C1orf94: variants seen among roughly 807,000 people sequenced by gnomAD.
C1orf94 encodes uncharacterized protein C1orf94.
Under a neutral mutation model 53.6 loss-of-function variants are expected in C1orf94, and 45 were observed. That is an observed-to-expected ratio of 0.84 (90% confidence interval 0.66 to 1.08). The LOEUF (loss-of-function observed/expected upper bound fraction) is 1.08, where lower values mean the gene tolerates loss of function less well. Among genes scored for constraint, C1orf94 ranks in the 50% least tolerant of loss-of-function variants. The pLI is 0.00. For missense variants in C1orf94, 762 were observed against 738.9 expected (o/e 1.03, Z -0.36); for synonymous variants, 304 against 296.1 (o/e 1.03, Z -0.27).
chr1:34,198,096 G>A (rs1642634064), intron 2 of C1orf94, among the ~76,000 whole-genome samples, 183 bp downstream of exon 2: 1 of 152,242 alleles, frequency 6.6e-6, no homozygotes, highest in South Asian at 2.1e-4. Flanking sequence ...ATTTTGCTGG[G>A]TTCCCCTGTG....
chr1:34,186,620 A>C (rs1024627108), intron 1 of C1orf94, among the ~76,000 whole-genome samples: 1 of 152,228 alleles, frequency 6.6e-6, no homozygotes, highest in Non-Finnish European at 1.5e-5. Flanking sequence ...TAAGAGACAA[A>C]TGCTTCCCCA....
Position 34,202,193 on chromosome 1 carries a change from C to T in C1orf94, c.1380C>T (p.Leu460=), listed in dbSNP as rs776657242. The part of the protein sequence containing the change: ...AMTSATLNQP[L]WLNLNYPPPP... ...CCTCAGCAACCCTGAACCAGCCACT[C>T]TGGCTCAACCTGAACTATCCACCTC... The change falls in exon 4 of 7, where the codon CTC becomes CTT. Residue 460 remains leucine, a synonymous_variant. Coordinates refer to ENST00000488417, the MANE Select transcript of C1orf94 (RefSeq NM_001134734.2). The T allele has an allele frequency of 5.6e-6, 9 of 1,614,260 alleles. No individual in the cohort carries two copies. Among genetic ancestry groups the T allele is most frequent in the South Asian group, 5.5e-5 (5 of 91,090 alleles).
chr1:34,212,570 C>T (rs1246826920), intron 6 of C1orf94, among the ~76,000 whole-genome samples, 164 bp downstream of exon 6: 1 of 152,032 alleles, frequency 6.6e-6, no homozygotes, highest in Non-Finnish European at 1.5e-5. Context: ...CCTGGAGGGA[C>T]CTGGTGCAGA....
At chr1:34,173,725 G>A (rs566559810), upstream of C1orf94, among the ~76,000 whole-genome samples, 2 of 152,318 alleles carry the variant, frequency 1.3e-5, no homozygotes, top group South Asian at 2.1e-4. Flanking sequence ...TGGAGACATT[G>A]AGGTTAAACC....
At position 34,184,688 on chromosome 1, in the gene C1orf94, G is replaced by A. The variant is rs371067413; in HGVS notation, c.320+6579G>A. Among the ~76,000 whole-genome samples, 8 of 152,334 alleles carry A rather than the reference G, an allele frequency of 5.3e-5. No homozygotes were observed. In the East Asian group the frequency reaches 9.7e-4, roughly 18 times the overall value. ...GCCAGTTCTCCACACTGGTGAGCAA[G>A]TGATATTTGGGAATCCACTCGGCTT... On this transcript the variant is annotated intron_variant, in intron 1 of 6. Coordinates refer to ENST00000488417, the MANE Select transcript of C1orf94 (RefSeq NM_001134734.2).
At position 34,208,180 on chromosome 1, in the gene C1orf94, G is replaced by A. The variant is rs115970539; in HGVS notation, c.1470G>A (p.Ala490=). The A allele has an allele frequency of 7.9e-5, 127 of 1,614,110 alleles. No individual in the cohort carries two copies. Among genetic ancestry groups the A allele is most frequent in the Middle Eastern group, 3.3e-4 (2 of 6,062 alleles). ...QYQGLYPQQA[A]RMPYQQALHP... is the part of the protein sequence containing the mutation. The stretch of plus-strand genomic sequence containing the variant: ...AGGGCCTGTACCCACAGCAGGCAGC[G>A]AGGATGCCCTATCAGCAGGCTTTGC... Residue 490 remains alanine (A), a synonymous_variant, in exon 5 of 7, where the codon GCG becomes GCA. Coordinates refer to ENST00000488417, the MANE Select transcript of C1orf94 (RefSeq NM_001134734.2).
At chr1:34,199,387 G>A (rs908063553) in intron 2 of C1orf94, among the ~76,000 whole-genome samples, 1 of 152,176 alleles carries the variant, frequency 6.6e-6, no homozygotes, top group African/African-American at 2.4e-5. Context: ...AGGAACTCCT[G>A]GAAAAGACTC....
intron 1 of C1orf94, among the ~76,000 whole-genome samples, chr1:34,194,036 G>GC (rs1557482252): frequency 6.6e-6 from 1 of 152,028 alleles, no homozygotes. Context: ...GGTTGCAGCT[G>GC]GGGGGGACAT....
intron 1 of C1orf94, among the ~76,000 whole-genome samples, chr1:34,167,978 C>T (rs1642076923): frequency 6.6e-6 from 1 of 152,202 alleles, no homozygotes; most frequent in African/African-American, 2.4e-5. Context: ...ACCTAGTGCA[C>T]AGTCCCTGAC....
Position 34,177,805 on chromosome 1 carries a change from G to A in C1orf94, c.16G>A (p.Gly6Ser). MRGGG[G>S]CVLALGGQRG... ...TTTCTGGTGAATGAGGGGTGGTGGT[G>A]GTTGTGTTCTAGCCCTGGGTGGACA... The change falls in exon 1 of 7, where the codon GGT (glycine) becomes AGT (serine). Residue 6 changes from glycine (G) to serine (S), a missense_variant. Gly to Ser is a moderately conservative substitution (Grantham distance 56). Coordinates refer to ENST00000488417, the MANE Select transcript of C1orf94 (RefSeq NM_001134734.2). The A allele has an allele frequency of 2.6e-6, 4 of 1,538,138 alleles. No individual in the cohort carries two copies. The highest frequency in any genetic ancestry group is 3.5e-6 in the Non-Finnish European group (4 of 1,136,852).
chr1:34,195,533 T>A (rs1204366319), intron 1 of C1orf94, among the ~76,000 whole-genome samples: 1 of 152,076 alleles, frequency 6.6e-6, no homozygotes, highest in Non-Finnish European at 1.5e-5. Flanking sequence ...GCTGCTGGAC[T>A]ATTGGTACAT....
chr1:34,206,277 CA>C (rs2148620848), intron 4 of C1orf94, among the ~76,000 whole-genome samples: 1 of 152,344 alleles, frequency 6.6e-6, no homozygotes, highest in East Asian at 1.9e-4. Flanking sequence ...GGGTGGATGG[CA>C]TGGCCCATGC....
rs576184795 is a variant in C1orf94, at chr1:34,183,542, A to G, written c.320+5433A>G. 6.6e-5 allele frequency among the ~76,000 whole-genome samples: 10 copies of G among 152,348 alleles called. No homozygotes were observed. In the South Asian group the frequency reaches 2.1e-3, roughly 32 times the overall value. On this transcript the variant is annotated intron_variant, in intron 1 of 6. Coordinates refer to ENST00000488417, the MANE Select transcript of C1orf94 (RefSeq NM_001134734.2). ...TCTAGTGGGTGGCATGAACACAGATACATCTGACAACAATGACATTCAACA... is the reference window on the plus strand; with the variant it reads ...TCTAGTGGGTGGCATGAACACAGATGCATCTGACAACAATGACATTCAACA...
At chr1:34,214,202 C>T (rs1234892386) in intron 6 of C1orf94, among the ~76,000 whole-genome samples, 1 of 152,178 alleles carries the variant, frequency 6.6e-6, no homozygotes. Flanking sequence ...GGGAGGAGGG[C>T]ATTCCAGGCA....
intron 1 of C1orf94, among the ~76,000 whole-genome samples, chr1:34,183,682 C>G (rs756850432): frequency 1.3e-5 from 2 of 151,994 alleles, no homozygotes; most frequent in Non-Finnish European, 2.9e-5. Flanking sequence ...ATGGTAAAAC[C>G]CTGTCTCTAC....
intron 4 of C1orf94, among the ~76,000 whole-genome samples, chr1:34,206,405 G>A (rs903008736): frequency 1.3e-5 from 2 of 152,192 alleles, no homozygotes; most frequent in Non-Finnish European, 2.9e-5. Flanking sequence ...TAGGCTCTGC[G>A]GTCTGGAGGC....
At chr1:34,191,762 A>G (rs143583694) in intron 1 of C1orf94, among the ~76,000 whole-genome samples, 6 of 152,252 alleles carry the variant, frequency 3.9e-5, no homozygotes, top group Middle Eastern at 3.4e-3. Flanking sequence ...GATGAATAGC[A>G]GTTTTCATCT....
intron 4 of C1orf94, among the ~76,000 whole-genome samples, chr1:34,207,804 G>A (rs1642823203): frequency 6.6e-6 from 1 of 152,194 alleles, no homozygotes; most frequent in Non-Finnish European, 1.5e-5. Context: ...GGCTTTGCAG[G>A]CCTGAGCACA....
In C1orf94 at chr1:34,190,918, G is replaced by T. The variant is rs532259731; in HGVS notation, c.321-6307G>T. ...TCATTTCTACAGTTTGGCAATTTGG[G>T]TTGGGTTCAGCTGGGAGGTTCTTCC... On this transcript the variant is annotated intron_variant, in intron 1 of 6. Coordinates refer to ENST00000488417, the MANE Select transcript of C1orf94 (RefSeq NM_001134734.2). Among the ~76,000 whole-genome samples the T allele has an allele frequency of 2.0e-5, 3 of 152,280 alleles. No individual in the cohort carries two copies. In the East Asian group the frequency reaches 5.8e-4, roughly 29 times the overall value.
Sources: allele counts gnomAD v4.1 joint callset (sites outside exome capture counted in the v4.1 genomes callset), GRCh38; gene constraint gnomAD v4.1.1; transcripts MANE v1.5; gene names NCBI Gene and HGNC (gene_info 2026-07-23, HGNC 2026-07-21).